Variants in BCAT2 observed in about 807,000 individuals in gnomAD.
BCAT2 encodes branched chain amino acid transaminase 2, also known as branched-chain-amino-acid aminotransferase, mitochondrial.
A neutral mutation model predicts 52.9 loss-of-function variants in BCAT2; 44 were observed. The observed-to-expected ratio is 0.83, with a 90% CI of 0.65 to 1.07. BCAT2 has a LOEUF of 1.07. BCAT2 is among the 50% of genes least tolerant of loss of function. BCAT2 has a pLI of 0.00. For synonymous variants in BCAT2, 215 were observed against 217.1 expected (o/e 0.99, Z 0.08); for missense variants, 478 against 521.8 (o/e 0.92, Z 0.82).
At position 48,800,179 on chromosome 19, in the gene BCAT2, C is replaced by A; in HGVS notation, c.411+8G>T. 6.2e-7 allele frequency: 1 copy of A among 1,613,180 alleles called. No individual in the cohort carries two copies. Among genetic ancestry groups the A allele is most frequent in the Non-Finnish European group, 8.5e-7 (1 of 1,179,614 alleles). On this transcript the variant is annotated splice_region_variant and intron_variant, in intron 4 of 10. Coordinates refer to ENST00000316273, the MANE Select transcript of BCAT2 (RefSeq NM_001190.4). ...TCCTCCCCACCCCGGTGGACCGGGA[C>A]CCCTCACCGGCAGGCACAGGCGCAT...
chr19:48,808,351 T>G (rs1599811801), intron 1 of BCAT2: 5 of 738,170 alleles, frequency 6.8e-6, no homozygotes, highest in African/African-American at 4.6e-5. Context: ...GAGTAAGAGA[T>G]GGAAGAGGAA....
chr19:48,799,662 G>A lies in BCAT2; in HGVS notation c.695+13C>T. ...AGTGCGCCAGTCGTTCTGGGGATGG[G>A]GGTGCTACTTACCCACCTAACTTGT... On this transcript the variant is annotated intron_variant, in intron 6 of 10. Coordinates refer to ENST00000316273, the MANE Select transcript of BCAT2 (RefSeq NM_001190.4). The surrounding 1 kb of genome is among the most constrained non-coding windows in gnomAD (Gnocchi z 5.5). The A allele has an allele frequency of 1.9e-6, 3 of 1,560,712 alleles. No individual in the cohort carries two copies. The highest frequency in any genetic ancestry group is 2.6e-6 in the Non-Finnish European group (3 of 1,156,908).
In BCAT2 at chr19:48,807,243, C is replaced by T; in HGVS notation, c.25-169G>A. On this transcript the variant is annotated intron_variant, in intron 1 of 10. Transcript: ENST00000316273. This position sits in a 1 kb window ranked among gnomAD's most constrained non-coding sequence, Gnocchi z 4.6. ...TCCTGAAGGAGGCCAAGTCCCCTCC[C>T]TGCCCTGACGAGGGCTCGCTGGAAA... is the stretch of plus-strand genomic sequence containing the variant. 6.7e-6 allele frequency: 4 copies of T among 594,726 alleles called. No individual in the cohort carries two copies. The highest frequency in any genetic ancestry group is 1.2e-5 in the Non-Finnish European group (4 of 341,842). The allele number at this position is 594,726 out of a possible 1,614,324, so 36.8% of individuals were successfully genotyped here.
chr19:48,799,411 A>T lies in BCAT2; in HGVS notation c.695+264T>A. 1 of 433,926 alleles carries T rather than the reference A, an allele frequency of 2.3e-6. No homozygotes were observed. Among genetic ancestry groups the T allele is most frequent in the Non-Finnish European group, 4.0e-6 (1 of 250,302 alleles). 26.9% of individuals were successfully genotyped at this position (433,926 alleles called of 1,614,324 possible). On this transcript the variant is annotated intron_variant, in intron 6 of 10. Transcript: ENST00000316273. The surrounding 1 kb of genome is among the most constrained non-coding windows in gnomAD (Gnocchi z 5.5). Reference sequence around the variant, plus strand: ...GCTTCACTCCTGGAGGCTTCCAGGGACCAGTCCTGGTTTCCCCACTGACCT... The same window carrying T: ...GCTTCACTCCTGGAGGCTTCCAGGGTCCAGTCCTGGTTTCCCCACTGACCT...
chr19:48,808,924 A>G (rs182768610), intron 1 of BCAT2, among the ~76,000 whole-genome samples: 21 of 152,028 alleles, frequency 1.4e-4, no homozygotes, highest in African/African-American at 4.8e-4. Context: ...CAATTTAAAA[A>G]TTAGCCAGGT....
Position 48,799,641 on chromosome 19 carries a change from C to T in BCAT2, c.695+34G>A, listed in dbSNP as rs762731350. On this transcript the variant is annotated intron_variant, in intron 6 of 10. Coordinates refer to ENST00000316273, the MANE Select transcript of BCAT2 (RefSeq NM_001190.4). This position sits in a 1 kb window ranked among gnomAD's most constrained non-coding sequence, Gnocchi z 5.5. ...GTCCCTGTGTCTCCAACGCCCAGTGCGCCAGTCGTTCTGGGGATGGGGGTG... is the reference window on the plus strand; with the variant it reads ...GTCCCTGTGTCTCCAACGCCCAGTGTGCCAGTCGTTCTGGGGATGGGGGTG... 12 of 1,530,738 alleles carry T rather than the reference C, an allele frequency of 7.8e-6. No homozygotes were observed. In the East Asian group the frequency reaches 1.1e-4, roughly 15 times the overall value. 94.8% of individuals were successfully genotyped at this position (1,530,738 alleles called of 1,614,324 possible).
At chr19:48,798,791 A>ATTTT (rs34719140) in intron 6 of BCAT2, 60 of 132,812 alleles carry the variant, frequency 4.5e-4, no homozygotes, top group South Asian at 2.7e-3. Context: ...AGCCCGGCTA[A>ATTTT]TTTTTTTTTT....
intron 3 of BCAT2, among the ~76,000 whole-genome samples, chr19:48,800,606 T>C (rs1353756921): frequency 6.6e-6 from 1 of 151,898 alleles, no homozygotes; most frequent in Non-Finnish European, 1.5e-5. Flanking sequence ...AGTGTAGGAG[T>C]TCGTGACCAG....
intron 3 of BCAT2, among the ~76,000 whole-genome samples, chr19:48,802,572 C>T (rs2034682093): frequency 1.3e-5 from 2 of 151,266 alleles, no homozygotes; most frequent in South Asian, 2.1e-4. Flanking sequence ...CTCAGCCTCC[C>T]GAGTACCTGG....
chr19:48,800,262 G>A lies in BCAT2; in HGVS notation c.336C>T (p.Asp112=). ...AGGGGCGGAAGAGGCGCACCTGCTG[G>A]TCTTTGCCTTTGAACGCCTTCATGC... ...FEGMKAFKGK[D]QQVRLFRPWL... Residue 112 remains aspartate (D), a synonymous_variant, in exon 4 of 11, where the codon GAC becomes GAT. Coordinates refer to ENST00000316273, the MANE Select transcript of BCAT2 (RefSeq NM_001190.4). The A allele has an allele frequency of 6.2e-7, 1 of 1,613,874 alleles. No individual in the cohort carries two copies. Among genetic ancestry groups the A allele is most frequent in the Non-Finnish European group, 8.5e-7 (1 of 1,180,032 alleles).
At chr19:48,796,824 G>A (rs2122649332) in intron 8 of BCAT2, 106 bp from the exon 9 acceptor site, 1 of 1,592,896 alleles carries the variant, frequency 6.3e-7, no homozygotes, top group East Asian at 2.2e-5. Context: ...CCCAACGGGA[G>A]AGACAGACCC....
At chr19:48,803,949 G>A (rs113150808) in intron 3 of BCAT2, among the ~76,000 whole-genome samples, 5 of 151,974 alleles carry the variant, frequency 3.3e-5, no homozygotes, top group Non-Finnish European at 5.9e-5. Flanking sequence ...ATCTGAGGTC[G>A]GGAGTTTGAG....
chr19:48,805,519 C>T (rs1374829980), intron 3 of BCAT2, among the ~76,000 whole-genome samples: 1 of 152,122 alleles, frequency 6.6e-6, no homozygotes. Context: ...AACCATGCTC[C>T]AACACCGCAA....
chr19:48,808,053 C>G (rs1291172145), intron 1 of BCAT2: 2 of 986,960 alleles, frequency 2.0e-6, no homozygotes, highest in East Asian at 2.2e-4. Flanking sequence ...TGAGTTGGCA[C>G]TGATTCTGGA....
chr19:48,806,338 G>T (rs963453508), intron 3 of BCAT2, among the ~76,000 whole-genome samples, 179 bp downstream of exon 3: 2 of 151,632 alleles, frequency 1.3e-5, no homozygotes, highest in Admixed American at 1.3e-4. Flanking sequence ...CTCATCTCGG[G>T]GAACCCAGCA....
Position 48,797,340 on chromosome 19 carries a change from G to A in BCAT2, c.696-7C>T. On this transcript the variant is annotated splice_region_variant and splice_polypyrimidine_tract_variant and intron_variant, in intron 6 of 10. Transcript: ENST00000316273. ...CACGGTGGGCCCATAATTCCTGGTGGAGGGCAGTCTGGTTGGGTGGGGCAA... is the reference window on the plus strand; with the variant it reads ...CACGGTGGGCCCATAATTCCTGGTGAAGGGCAGTCTGGTTGGGTGGGGCAA... The A allele has an allele frequency of 1.9e-6, 3 of 1,613,890 alleles. No individual in the cohort carries two copies. The highest frequency in any genetic ancestry group is 2.5e-6 in the Non-Finnish European group (3 of 1,180,006).
chr19:48,803,873 T>C (rs2034707141), intron 3 of BCAT2, among the ~76,000 whole-genome samples: 2 of 151,624 alleles, frequency 1.3e-5, no homozygotes, highest in Non-Finnish European at 2.9e-5. Context: ...TTTAAAATGG[T>C]TGGAGGCTGG....
At chr19:48,795,517 G>C (rs2034486484) in intron 10 of BCAT2, 53 bp from the exon 11 acceptor site, 2 of 1,604,194 alleles carry the variant, frequency 1.2e-6, no homozygotes, top group South Asian at 2.2e-5. Context: ...ACAACTCCCA[G>C]TAGGCCCTGG....
Position 48,800,008 on chromosome 19 carries a change from A to C in BCAT2, c.504T>G (p.Tyr168Ter), listed in dbSNP as rs1264028164. ...CGTTCCCAATGAGCACAGGCCGCAC[A>C]TAGAGGCTGGTGCCGGCGGCATCGG... The part of the protein sequence containing the change: ...WVPDAAGTSL[Y>*]VRPVLIGNEP... The change falls in exon 5 of 11, where the codon TAT becomes TAG. Residue 168 changes from tyrosine (Y) to a stop codon, truncating the protein, a stop_gained. Coordinates refer to ENST00000316273, the MANE Select transcript of BCAT2 (RefSeq NM_001190.4). LOFTEE classifies it high-confidence loss of function. 1 of 1,613,930 alleles carries C rather than the reference A, an allele frequency of 6.2e-7. No homozygotes were observed. The highest frequency in any genetic ancestry group is 8.5e-7 in the Non-Finnish European group (1 of 1,179,900).
Sources: gnomAD v4.1 joint callset for allele counts (sites outside exome capture counted in the v4.1 genomes callset) on GRCh38, gnomAD v4.1.1 for gene constraint, Gnocchi (gnomAD v3.1) non-coding constraint, MANE v1.5 for transcripts, NCBI Gene and HGNC (gene_info 2026-07-23, HGNC 2026-07-21) for gene names.